The following TBC1D5 variants were observed in gnomAD, a reference collection of about 807,000 sequenced individuals.
TBC1D5 encodes TBC1 domain family member 5, also known as TBC1 domain family, member 5.
In TBC1D5, 75 loss-of-function variants were observed where a neutral mutation model predicts 100.3. The ratio of observed to expected loss-of-function variants is 0.75; its 90% CI spans 0.62 to 0.91. The LOEUF is 0.91. Ranked by LOEUF, TBC1D5 falls within the 40% of genes least tolerant of loss-of-function variation. The pLI is 0.00. For missense variants in TBC1D5, 910 were observed against 942.4 expected (o/e 0.97, Z 0.45); for synonymous variants, 323 against 325.6 (o/e 0.99, Z 0.09).
At chr3:17,549,785 G>C (rs1242741725) in intron 2 of TBC1D5, among the ~76,000 whole-genome samples, 1 of 151,952 alleles carries the variant, frequency 6.6e-6, no homozygotes, top group Non-Finnish European at 1.5e-5. Context: ...ACAAAAATTA[G>C]CTGGGTGTGT....
chr3:17,354,071 G>A (rs74737040), intron 13 of TBC1D5, among the ~76,000 whole-genome samples: 190 of 152,130 alleles, frequency 1.2e-3, no homozygotes, highest in Non-Finnish European at 2.3e-3. Context: ...GTATGTAGTG[G>A]TTAAGACAGA....
At chr3:17,702,164 A>G (rs2073309846) in intron 1 of TBC1D5, 1 of 152,122 alleles carries the variant, frequency 6.6e-6, no homozygotes, top group African/African-American at 2.4e-5. Flanking sequence ...ATGTGAGGTG[A>G]GCTATATAAT....
chr3:17,377,873 A>G (rs1052284195), intron 9 of TBC1D5, among the ~76,000 whole-genome samples: 1 of 151,958 alleles, frequency 6.6e-6, no homozygotes, highest in Non-Finnish European at 1.5e-5. Context: ...AAATGACCAC[A>G]TATCATTTCA....
chr3:17,467,364 G>A (rs6807996), intron 3 of TBC1D5, among the ~76,000 whole-genome samples: 20 of 145,870 alleles, frequency 1.4e-4, no homozygotes, highest in African/African-American at 5.1e-4. Flanking sequence ...TGTGCACAAC[G>A]TGCAGGTTTG....
At chr3:17,477,108 A>G (rs966638354) in intron 3 of TBC1D5, among the ~76,000 whole-genome samples, 1 of 151,968 alleles carries the variant, frequency 6.6e-6, no homozygotes, top group Non-Finnish European at 1.5e-5. Flanking sequence ...CAGTTATTTT[A>G]TCACAAACTT....
intron 13 of TBC1D5, among the ~76,000 whole-genome samples, chr3:17,365,167 C>T (rs1390879698): frequency 6.6e-6 from 1 of 152,106 alleles, no homozygotes; most frequent in Non-Finnish European, 1.5e-5. Context: ...TAGACTTAAT[C>T]ATATCTTACT....
chr3:17,372,602 A>ACTGAT (rs751805033), intron 12 of TBC1D5, among the ~76,000 whole-genome samples: 1 of 152,188 alleles, frequency 6.6e-6, no homozygotes. Context: ...AAAATCAAGA[A>ACTGAT]CTGATAACCC....
chr3:17,339,691 C>A (rs905037540), intron 13 of TBC1D5, among the ~76,000 whole-genome samples: 2 of 152,152 alleles, frequency 1.3e-5, no homozygotes, highest in African/African-American at 2.4e-5. Flanking sequence ...CACACACATG[C>A]CATATAGCAA....
intron 15 of TBC1D5, among the ~76,000 whole-genome samples, chr3:17,280,961 G>A (rs1292525266): frequency 1.3e-5 from 2 of 152,170 alleles, no homozygotes; most frequent in Non-Finnish European, 2.9e-5. Context: ...TGCTCCTTCA[G>A]GTGCCCAAAA....
At chr3:17,700,094 T>A (rs1348476375) in intron 1 of TBC1D5, 1 of 151,824 alleles carries the variant, frequency 6.6e-6, no homozygotes, top group African/African-American at 2.4e-5. Context: ...TTATCCATCA[T>A]CTGCTTTGGC....
At chr3:17,537,655 T>TA (rs1237945866) in intron 2 of TBC1D5, among the ~76,000 whole-genome samples, 14 of 152,246 alleles carry the variant, frequency 9.2e-5, no homozygotes, top group African/African-American at 3.1e-4. Flanking sequence ...AGTGGAATAA[T>TA]ATAGAATTTG....
intron 3 of TBC1D5, among the ~76,000 whole-genome samples, chr3:17,451,579 T>C (rs1296232172): frequency 2.0e-5 from 3 of 152,170 alleles, no homozygotes; most frequent in Non-Finnish European, 4.4e-5. Context: ...TCAACTATTG[T>C]GGAAGACAGT....
At chr3:17,423,799 A>G (rs1042249038) in intron 4 of TBC1D5, among the ~76,000 whole-genome samples, 2 of 152,202 alleles carry the variant, frequency 1.3e-5, no homozygotes, top group Non-Finnish European at 2.9e-5. Flanking sequence ...AAAATAATCT[A>G]CAATGATTTA....
intron 2 of TBC1D5, among the ~76,000 whole-genome samples, chr3:17,583,777 T>A (rs1560211074): frequency 1.3e-5 from 2 of 152,162 alleles, no homozygotes; most frequent in Admixed American, 1.3e-4. Flanking sequence ...ATGATGCAAC[T>A]GCCATGGAAA....
chr3:17,307,249 T>C (rs2083488727), intron 14 of TBC1D5, among the ~76,000 whole-genome samples: 1 of 152,204 alleles, frequency 6.6e-6, no homozygotes, highest in African/African-American at 2.4e-5. Context: ...ATTTCCTAAT[T>C]CAATCACATA....
chr3:17,740,027 AAGGT>A (rs2077284881), exon 1 of TBC1D5: 1 of 151,658 alleles, frequency 6.6e-6, no homozygotes, highest in Non-Finnish European at 1.5e-5. Flanking sequence ...CAAAAAAAAA[AAGGT>A]AGGCCGAGCA....
intron 1 of TBC1D5, among the ~76,000 whole-genome samples, chr3:17,651,174 TAA>T (rs1262457238): frequency 6.6e-6 from 1 of 152,174 alleles, no homozygotes; most frequent in African/African-American, 2.4e-5. Context: ...AAATATCATT[TAA>T]GTCTCATATC....
At chr3:17,333,067 G>C (rs1415467351) in intron 13 of TBC1D5, 1 of 152,264 alleles carries the variant, frequency 6.6e-6, no homozygotes, top group Non-Finnish European at 1.5e-5. Flanking sequence ...AAATAATACA[G>C]TACAGGGGTG....
intron 15 of TBC1D5, among the ~76,000 whole-genome samples, chr3:17,276,843 C>T (rs1277622547): frequency 6.6e-6 from 1 of 152,184 alleles, no homozygotes; most frequent in Non-Finnish European, 1.5e-5. Context: ...GAAAGTGATA[C>T]ATGCCACCTG....
Sources: allele counts gnomAD v4.1 joint callset (sites outside exome capture counted in the v4.1 genomes callset), GRCh38; gene constraint gnomAD v4.1.1; transcripts MANE v1.5; gene names NCBI Gene and HGNC (gene_info 2026-07-23, HGNC 2026-07-21).